The following FBXW11 variants were observed in gnomAD, a reference collection of about 807,000 sequenced individuals.
The protein encoded by FBXW11 is F-box and WD repeat domain containing 11.
Under a neutral mutation model 77.6 loss-of-function variants are expected in FBXW11, and 19 were observed. The observed-to-expected ratio is 0.24, with a 90% CI of 0.17 to 0.36. The LOEUF is 0.36. Ranked by LOEUF, FBXW11 falls within the 10% of genes least tolerant of loss-of-function variation. The pLI is 1.00. For synonymous variants in FBXW11, 235 were observed against 249.4 expected, an observed-to-expected ratio of 0.94 and a Z score of 0.54; for missense variants, 334 against 704.2, an observed-to-expected ratio of 0.47 and a Z score of 5.95.
intron 2 of FBXW11, among the ~76,000 whole-genome samples, chr5:171,923,770 T>C (rs1384752069): frequency 6.6e-6 from 1 of 152,074 alleles, no homozygotes; most frequent in Non-Finnish European, 1.5e-5. Context: ...AATAGAGATG[T>C]TTCTTATAAT....
At chr5:171,967,871 TATATATATATATACACAC>T (rs1272914697) in intron 1 of FBXW11, among the ~76,000 whole-genome samples, 45 of 110,854 alleles carry the variant, frequency 4.1e-4, no homozygotes, top group South Asian at 5.6e-4. Context: ...TATATATATA[TATATATATATATACACAC>T]ACACACACAC....
chr5:171,887,956 G>T (rs368459344), intron 7 of FBXW11, among the ~76,000 whole-genome samples: 1 of 152,154 alleles, frequency 6.6e-6, no homozygotes. Context: ...ACCACACCCG[G>T]CTTTTTCTCT....
intron 1 of FBXW11, among the ~76,000 whole-genome samples, chr5:171,990,332 A>G (rs1243492894): frequency 6.6e-6 from 1 of 152,214 alleles, no homozygotes; most frequent in Non-Finnish European, 1.5e-5. Context: ...CAATTTAAAA[A>G]GCAAACAGTT....
chr5:171,881,390 T>C (rs1345978025), intron 7 of FBXW11, among the ~76,000 whole-genome samples: 3 of 152,240 alleles, frequency 2.0e-5, no homozygotes, highest in East Asian at 3.8e-4. Flanking sequence ...TTCCCCTCTA[T>C]TCATAGTTTA....
At chr5:171,894,218 ACCCTCTAT>A (rs1331142165) in intron 6 of FBXW11, among the ~76,000 whole-genome samples, 1 of 152,156 alleles carries the variant, frequency 6.6e-6, no homozygotes, top group East Asian at 1.9e-4. Context: ...GCTGGGCTAT[ACCCTCTAT>A]CCCCAACCCT....
intron 2 of FBXW11, among the ~76,000 whole-genome samples, chr5:171,935,316 T>C (rs1371792642): frequency 6.6e-6 from 1 of 152,190 alleles, no homozygotes; most frequent in African/African-American, 2.4e-5. Flanking sequence ...GCACTGGTTA[T>C]ACAACTCTGT....
intron 1 of FBXW11, among the ~76,000 whole-genome samples, chr5:171,957,994 A>G (rs1763704495): frequency 6.6e-6 from 1 of 152,076 alleles, no homozygotes; most frequent in Non-Finnish European, 1.5e-5. Flanking sequence ...TGAAAGTTTG[A>G]GTGCAAAACA....
intron 1 of FBXW11, among the ~76,000 whole-genome samples, 186 bp downstream of exon 1, chr5:172,006,272 G>T (rs1040628561): frequency 3.3e-5 from 5 of 152,184 alleles, no homozygotes; most frequent in Non-Finnish European, 7.3e-5. Flanking sequence ...GGCCAGGACC[G>T]GCCGGAGATG....
At position 171,953,330 on chromosome 5, in the gene FBXW11, A is replaced by G. The variant is rs557647685; in HGVS notation, c.147+4267T>C. ...GGTTTTAGTGTCTATAAAATACTAC[A>G]GATTCTACCACTGAGCAACCCAAAA... is the stretch of plus-strand genomic sequence containing the variant. On this transcript the variant is annotated intron_variant, in intron 2 of 13. Transcript: ENST00000517395. 1.1e-4 allele frequency among the ~76,000 whole-genome samples: 17 copies of G among 152,306 alleles called. No individual in the cohort carries two copies. In the East Asian group the frequency reaches 3.3e-3, roughly 29 times the overall value.
chr5:171,893,133 T>G (rs529685947), intron 6 of FBXW11, among the ~76,000 whole-genome samples: 1 of 152,218 alleles, frequency 6.6e-6, no homozygotes, highest in East Asian at 1.9e-4. Context: ...GGGTTGGAGA[T>G]ATCGATACAC....
chr5:172,003,494 G>A (rs938411316), intron 1 of FBXW11, among the ~76,000 whole-genome samples: 66 of 152,142 alleles, frequency 4.3e-4, no homozygotes, highest in African/African-American at 1.5e-3. Flanking sequence ...TCAGAAGTTT[G>A]GAAAAATAGG....
intron 5 of FBXW11, 48 bp from the exon 6 acceptor site, chr5:171,899,142 T>A: frequency 8.0e-7 from 1 of 1,257,444 alleles, no homozygotes; most frequent in South Asian, 1.3e-5. Context: ...CATAAAAGGG[T>A]GAATTTTATC....
rs1200162410 is a variant in FBXW11, at chr5:171,893,429, A to AAAAAAAAAAAC, written c.715-1826_715-1825insGTTTTTTTTTT. ...AAAGCACACTTCAAAACCAAAAAAA[A>AAAAAAAAAAAC]AAAAAAAAAAAAAAAAAACTAACCC... On this transcript the variant is annotated intron_variant, in intron 6 of 13. Coordinates refer to ENST00000517395, the MANE Select transcript of FBXW11 (RefSeq NM_001378974.1). Among the ~76,000 whole-genome samples the AAAAAAAAAAAC allele has an allele frequency of 4.6e-4, 64 of 139,154 alleles. 3 individuals carry two copies. The highest frequency in any genetic ancestry group is 7.7e-5 in the Non-Finnish European group (5 of 65,004). The allele number at this position is 139,154 out of a possible 152,430, so 91.3% of individuals were successfully genotyped here.
intron 1 of FBXW11, among the ~76,000 whole-genome samples, chr5:171,976,981 G>A (rs1158004378): frequency 1.3e-5 from 2 of 151,836 alleles, no homozygotes; most frequent in African/African-American, 2.4e-5. Context: ...AGGAGGCAGA[G>A]GTTGAAGAGA....
intron 2 of FBXW11, among the ~76,000 whole-genome samples, chr5:171,936,945 A>C (rs1762511691): frequency 6.6e-6 from 1 of 152,254 alleles, no homozygotes; most frequent in South Asian, 2.1e-4. Flanking sequence ...CAATTCCTTC[A>C]ATCAATGTTA....
intron 4 of FBXW11, among the ~76,000 whole-genome samples, chr5:171,902,925 G>A (rs1256036906): frequency 6.6e-6 from 1 of 152,144 alleles, no homozygotes; most frequent in African/African-American, 2.4e-5. Flanking sequence ...TTAGGTTAAT[G>A]GGAGTGAAAA....
chr5:171,936,050 G>A (rs113644577), intron 2 of FBXW11, among the ~76,000 whole-genome samples: 5 of 148,544 alleles, frequency 3.4e-5, no homozygotes, highest in Non-Finnish European at 7.4e-5. Context: ...GGCAGAGGTT[G>A]CAGTGAGCCA....
At chr5:171,868,322 G>A (rs928912945) in intron 13 of FBXW11, among the ~76,000 whole-genome samples, 6 of 151,896 alleles carry the variant, frequency 4.0e-5, no homozygotes, top group African/African-American at 7.3e-5. Context: ...CATTTTACTG[G>A]TGTTAAATTG....
At chr5:171,973,909 T>G (rs1412793631) in intron 1 of FBXW11, among the ~76,000 whole-genome samples, 1 of 152,176 alleles carries the variant, frequency 6.6e-6, no homozygotes, top group Non-Finnish European at 1.5e-5. Context: ...TATTTAAAAA[T>G]TATTAGTTTT....
Sources: allele counts gnomAD v4.1 joint callset (sites outside exome capture counted in the v4.1 genomes callset), GRCh38; gene constraint gnomAD v4.1.1; transcripts MANE v1.5; gene names NCBI Gene and HGNC (gene_info 2026-07-23, HGNC 2026-07-21).